SNX4: variants seen among roughly 807,000 people sequenced by gnomAD.
SNX4 encodes sorting nexin 4.
Under a neutral mutation model 70.8 loss-of-function variants are expected in SNX4, and 49 were observed. That is an observed-to-expected ratio of 0.69 (90% CI 0.55 to 0.88). SNX4 has a LOEUF of 0.88. Among genes scored for constraint, SNX4 ranks in the 40% least tolerant of loss-of-function variants. The pLI is 0.00. For synonymous variants in SNX4, 206 were observed against 183.8 expected (o/e 1.12, Z -0.98); for missense variants, 528 against 544.8 (o/e 0.97, Z 0.31).
chr3:125,515,384 G>A (rs941860901), intron 1 of SNX4, among the ~76,000 whole-genome samples: 8 of 151,274 alleles, frequency 5.3e-5, no homozygotes, highest in Non-Finnish European at 1.0e-4. Flanking sequence ...TTTTTGGGTC[G>A]GGCATGGTGA....
intron 5 of SNX4, among the ~76,000 whole-genome samples, chr3:125,496,036 AACT>A (rs1934785123): frequency 6.6e-6 from 1 of 152,180 alleles, no homozygotes; most frequent in Non-Finnish European, 1.5e-5. Context: ...GGCACAGTAA[AACT>A]AGCACTTCGG....
rs1933747023 is a variant in SNX4, at chr3:125,457,322, T to A, written c.988A>T (p.Met330Leu). The change falls in exon 11 of 14, where the codon ATG (methionine) becomes TTG (leucine). Residue 330 changes from methionine to leucine, a missense_variant. Physicochemically the swap from Met to Leu is conservative, Grantham distance 15. Transcript: ENST00000251775. ...TTGGATGCTAAGTCCTGAGCAGCCA[T>A]CTCCAAGTCATACTGCATAAGTTCA... ...KHELMQYDLE[M>L]AAQDLASKKQ... The A allele has an allele frequency of 6.2e-7, 1 of 1,614,066 alleles. No individual in the cohort carries two copies. The highest frequency in any genetic ancestry group is 1.3e-5 in the African/African-American group (1 of 75,038).
intron 1 of SNX4, among the ~76,000 whole-genome samples, chr3:125,508,804 C>G (rs1935104311): frequency 6.6e-6 from 1 of 152,056 alleles, no homozygotes; most frequent in African/African-American, 2.4e-5. Context: ...GCTGGGAAAA[C>G]TGAATATCTA....
chr3:125,450,196 C>T (rs1351934222), intron 13 of SNX4, among the ~76,000 whole-genome samples: 1 of 152,220 alleles, frequency 6.6e-6, no homozygotes, highest in Admixed American at 6.5e-5. Context: ...TACCAAACTA[C>T]AACATACTCA....
Position 125,510,594 on chromosome 3 carries a change from G to T in SNX4, c.142-5850C>A, listed in dbSNP as rs1935149479. 3.9e-5 allele frequency among the ~76,000 whole-genome samples: 6 copies of T among 152,134 alleles called. 1 individual carries two copies. Among genetic ancestry groups the T allele is most frequent in the Admixed American group, 3.9e-4 (6 of 15,270 alleles). On this transcript the variant is annotated intron_variant, in intron 1 of 13. Coordinates refer to ENST00000251775, the MANE Select transcript of SNX4 (RefSeq NM_003794.4). ...ATACCATTCATCCTTAAAAAGGAAGGAAATTCTGTCATATGCTACAACATG... is the reference window on the plus strand; with the variant it reads ...ATACCATTCATCCTTAAAAAGGAAGTAAATTCTGTCATATGCTACAACATG...
chr3:125,471,616 T>C (rs1023052092), intron 8 of SNX4, among the ~76,000 whole-genome samples: 1 of 152,210 alleles, frequency 6.6e-6, no homozygotes, highest in Non-Finnish European at 1.5e-5. Flanking sequence ...TGAATTAAGA[T>C]GAATATTTTA....
At chr3:125,503,990 A>G (rs1246080085) in intron 2 of SNX4, among the ~76,000 whole-genome samples, 9 of 152,102 alleles carry the variant, frequency 5.9e-5, no homozygotes, top group Non-Finnish European at 1.3e-4. Flanking sequence ...TGAGCCCAGG[A>G]GTTTGAGACC....
At chr3:125,516,042 T>G (rs907866788) in intron 1 of SNX4, among the ~76,000 whole-genome samples, 1 of 152,226 alleles carries the variant, frequency 6.6e-6, no homozygotes. Context: ...AGTTCTCTGC[T>G]GCCAATCAGT....
intron 1 of SNX4, among the ~76,000 whole-genome samples, chr3:125,510,013 G>T (rs1483467788): frequency 6.6e-6 from 1 of 152,144 alleles, no homozygotes; most frequent in Non-Finnish European, 1.5e-5. Context: ...TGGCGGGAAT[G>T]TAAAATGGTG....
intron 6 of SNX4, among the ~76,000 whole-genome samples, chr3:125,488,573 T>C (rs1038855563): frequency 6.6e-6 from 1 of 152,184 alleles, no homozygotes; most frequent in Non-Finnish European, 1.5e-5. Flanking sequence ...TATTCAAAAT[T>C]TATATGAAAA....
intron 1 of SNX4, among the ~76,000 whole-genome samples, chr3:125,516,551 T>C (rs1935288275): frequency 1.3e-5 from 2 of 152,106 alleles, no homozygotes; most frequent in African/African-American, 4.8e-5. Flanking sequence ...CAGTCAAAAA[T>C]AAGGCTGGGC....
chr3:125,508,506 G>GCAGCGCCTC (rs1216314428), intron 1 of SNX4, among the ~76,000 whole-genome samples: 3 of 151,580 alleles, frequency 2.0e-5, no homozygotes, highest in Non-Finnish European at 2.9e-5. Context: ...GGCGGAGCTT[G>GCAGCGCCTC]CAGTGAGCCG....
chr3:125,480,105 C>A (rs1005199240), intron 7 of SNX4, 142 bp downstream of exon 7: 2 of 429,384 alleles, frequency 4.7e-6, no homozygotes, highest in Non-Finnish European at 8.5e-6. Flanking sequence ...TTAAAAAGTG[C>A]AGTTTGGATG....
At chr3:125,479,828 A>T (rs1934369018) in intron 7 of SNX4, among the ~76,000 whole-genome samples, 1 of 152,194 alleles carries the variant, frequency 6.6e-6, no homozygotes, top group South Asian at 2.1e-4. Flanking sequence ...CCCTTTTGTC[A>T]TGGCAGACTA....
intron 11 of SNX4, among the ~76,000 whole-genome samples, chr3:125,455,063 G>A (rs1262777596): frequency 6.6e-6 from 1 of 151,912 alleles, no homozygotes; most frequent in Non-Finnish European, 1.5e-5. Flanking sequence ...CAAGTGGCTG[G>A]GACCACAGGT....
At chr3:125,499,453 A>G (rs1316018991) in intron 2 of SNX4, among the ~76,000 whole-genome samples, 2 of 152,200 alleles carry the variant, frequency 1.3e-5, no homozygotes, top group African/African-American at 4.8e-5. Flanking sequence ...GTTTGCTACT[A>G]AATTTATTCA....
chr3:125,503,951 T>C (rs1011626023), intron 2 of SNX4, among the ~76,000 whole-genome samples: 1 of 152,166 alleles, frequency 6.6e-6, no homozygotes, highest in South Asian at 2.1e-4. Flanking sequence ...AATCCCAGCA[T>C]TTTGGGAGGC....
chr3:125,518,219 A>C (rs1049395132), intron 1 of SNX4, among the ~76,000 whole-genome samples: 1 of 151,524 alleles, frequency 6.6e-6, no homozygotes, highest in Non-Finnish European at 1.5e-5. Flanking sequence ...AGCTACTCAG[A>C]AGGCTGAGGC....
intron 6 of SNX4, among the ~76,000 whole-genome samples, chr3:125,481,726 AC>A (rs1322206369): frequency 6.6e-6 from 1 of 152,148 alleles, no homozygotes; most frequent in Non-Finnish European, 1.5e-5. Context: ...AGCGTGAGCC[AC>A]CATGCCTGGT....
Sources: gnomAD v4.1 joint callset for allele counts (sites outside exome capture counted in the v4.1 genomes callset) on GRCh38, gnomAD v4.1.1 for gene constraint, MANE v1.5 for transcripts, NCBI Gene and HGNC (gene_info 2026-07-23, HGNC 2026-07-21) for gene names.